SPON2: variants seen among roughly 807,000 people sequenced by gnomAD.
The protein encoded by SPON2 is spondin-2.
SPON2 carries 32 observed loss-of-function variants against 29.9 expected under a neutral mutation model. That is an observed-to-expected ratio of 1.07 (90% CI 0.81 to 1.44). The LOEUF (loss-of-function observed/expected upper bound fraction) is 1.44. Ranked by LOEUF, SPON2 falls within the 40% of genes most tolerant of loss-of-function variation. The pLI is 0.00. For synonymous variants in SPON2, 248 were observed against 209.1 expected (o/e 1.19, Z -1.61); for missense variants, 541 against 455.5 (o/e 1.19, Z -1.71).
chr4:1,181,685 C>A (rs1394531463), intron 1 of SPON2, among the ~76,000 whole-genome samples: 1 of 152,162 alleles, frequency 6.6e-6, no homozygotes, highest in African/African-American at 2.4e-5. Flanking sequence ...TCCCCACCAG[C>A]CCCAGCGCAG....
chr4:1,200,789 T>G (rs1224895044), intron 1 of SPON2: 1 of 456,304 alleles, frequency 2.2e-6, no homozygotes. Context: ...CTCTGGTCCC[T>G]GCCTTTGCTG....
At chr4:1,168,105 C>A (rs1187160939) in intron 5 of SPON2, 1 of 167,684 alleles carries the variant, frequency 6.0e-6, no homozygotes, top group Non-Finnish European at 1.3e-5. Flanking sequence ...GGACTCAGAC[C>A]TTTTCAGTAT....
In SPON2 at chr4:1,171,063, G is replaced by A; in HGVS notation, c.572C>T (p.Thr191Met). Reference sequence around the variant, plus strand: ...GGAGGAGAAGGTGAAGCCGCTGTCCGTCCCGGCGTCGTAGGGGTACAGGTC... The same window carrying A: ...GGAGGAGAAGGTGAAGCCGCTGTCCATCCCGGCGTCGTAGGGGTACAGGTC... ...ALDLYPYDAG[T>M]DSGFTFSSPN... Residue 191 changes from threonine to methionine, a missense_variant, in exon 4 of 6, where the codon ACG (threonine) becomes ATG (methionine). Coordinates refer to ENST00000290902, the MANE Select transcript of SPON2 (RefSeq NM_012445.4). 1 of 1,549,850 alleles carries A rather than the reference G, an allele frequency of 6.5e-7. No homozygotes were observed. Among genetic ancestry groups the A allele is most frequent in the Non-Finnish European group, 8.7e-7 (1 of 1,146,430 alleles).
chr4:1,190,298 C>CA (rs1235326353), intron 1 of SPON2, among the ~76,000 whole-genome samples: 39 of 146,984 alleles, frequency 2.7e-4, no homozygotes, highest in Admixed American at 1.4e-3. Context: ...AAAAAACAAA[C>CA]AAAAAAAAAC....
intron 1 of SPON2, chr4:1,200,895 C>T (rs1350824167): frequency 2.2e-6 from 1 of 456,684 alleles, no homozygotes; most frequent in Non-Finnish European, 4.4e-6. Flanking sequence ...ACTGACTGAG[C>T]ACCACGTGGT....
At chr4:1,174,495 A>C (rs555311833), upstream of SPON2, among the ~76,000 whole-genome samples, 291 of 150,882 alleles carry the variant, frequency 1.9e-3, 13 homozygotes, top group South Asian at 0.049. Flanking sequence ...TCAAAAAAAA[A>C]AAAAAAACAA....
At chr4:1,176,225 A>G (rs1323672255), upstream of SPON2, among the ~76,000 whole-genome samples, 2 of 152,106 alleles carry the variant, frequency 1.3e-5, no homozygotes, top group East Asian at 3.9e-4. Flanking sequence ...TCTTCTGTGA[A>G]CCAGAAGTCT....
Position 1,171,279 on chromosome 4 carries a change from T to C in SPON2, c.428A>G (p.Gln143Arg), listed in dbSNP as rs1727433439. The change falls in exon 3 of 6, where the codon CAG (glutamine) becomes CGG (arginine). Residue 143 changes from glutamine (Q) to arginine (R), a missense_variant. Coordinates refer to ENST00000290902, the MANE Select transcript of SPON2 (RefSeq NM_012445.4). Reference sequence around the variant, plus strand: ...CGCGCTCACCAGCGAGTGCCTGCGCTGCACCTCCAGCTCCGCCGACGTCTG... The same window carrying C: ...CGCGCTCACCAGCGAGTGCCTGCGCCGCACCTCCAGCTCCGCCGACGTCTG... The part of the protein sequence containing the change: ...TGQTSAELEV[Q>R]RRHSLVSFVV... 1 of 1,550,656 alleles carries C rather than the reference T, an allele frequency of 6.4e-7. No individual in the cohort carries two copies. Among genetic ancestry groups the C allele is most frequent in the Non-Finnish European group, 8.7e-7 (1 of 1,155,468 alleles).
chr4:1,206,776 C>T (rs1560216430), intron 1 of SPON2, among the ~76,000 whole-genome samples: 1 of 151,826 alleles, frequency 6.6e-6, no homozygotes. Context: ...GAGAACAAAC[C>T]CCAGTCTAAG....
chr4:1,198,987 T>A (rs113963956), upstream of SPON2: 5 of 151,842 alleles, frequency 3.3e-5, no homozygotes, highest in Admixed American at 2.6e-4. Flanking sequence ...TTCTCGGAGG[T>A]TCTGGCAAAC....
At chr4:1,184,827 C>T (rs573216044) in intron 1 of SPON2, among the ~76,000 whole-genome samples, 1 of 151,052 alleles carries the variant, frequency 6.6e-6, no homozygotes, top group South Asian at 2.1e-4. Flanking sequence ...ATCCCAGCTA[C>T]TTGGGAGGCT....
At chr4:1,197,109 G>T (rs565420595), upstream of SPON2, 2 of 152,206 alleles carry the variant, frequency 1.3e-5, no homozygotes, top group African/African-American at 2.4e-5. Context: ...AGCTCCCTCC[G>T]TGTCTCTCTC....
intron 1 of SPON2, among the ~76,000 whole-genome samples, chr4:1,191,268 G>C (rs1283469191): frequency 6.6e-6 from 1 of 152,070 alleles, no homozygotes; most frequent in East Asian, 1.9e-4. Flanking sequence ...GCTAGGTATA[G>C]AGACAATGGA....
intron 5 of SPON2, chr4:1,168,050 CAG>C (rs1009237033): frequency 8.3e-5 from 16 of 192,676 alleles, no homozygotes; most frequent in Non-Finnish European, 9.5e-5. Flanking sequence ...GAATAACAGA[CAG>C]GGGCACCTGA....
At position 1,170,505 on chromosome 4, in the gene SPON2, G is replaced by A. The variant is rs894894383; in HGVS notation, c.708C>T (p.Ile236=). 2.5e-5 allele frequency: 41 copies of A among 1,614,072 alleles called. No homozygotes were observed. The highest frequency in any genetic ancestry group is 3.4e-5 in the Non-Finnish European group (40 of 1,179,958). Residue 236 remains isoleucine (I), a synonymous_variant, in exon 5 of 6, where the codon ATC becomes ATT. Transcript: ENST00000290902. Reference sequence around the variant, plus strand: ...GCAGCCGCACCAGTGTCACCCTGGCGATGGGAGGCAGGGCCTTCAGCCGCG... The same window carrying A: ...GCAGCCGCACCAGTGTCACCCTGGCAATGGGAGGCAGGGCCTTCAGCCGCG... The part of the protein sequence containing the change: ...YYPRLKALPP[I]ARVTLVRLRQ...
chr4:1,205,902 G>A (rs936206328), intron 1 of SPON2, among the ~76,000 whole-genome samples: 4 of 152,172 alleles, frequency 2.6e-5, no homozygotes, highest in African/African-American at 7.2e-5. Flanking sequence ...CTCGGGCCTG[G>A]GGGTTGGGGC....
chr4:1,171,721 A>T, intron 2 of SPON2, 131 bp downstream of exon 2: 1 of 814,144 alleles, frequency 1.2e-6, no homozygotes, highest in Non-Finnish European at 2.0e-6. Flanking sequence ...CGCTCGGCAA[A>T]CATTCTGGTG....
Position 1,189,717 on chromosome 4 carries a change from G to A in SPON2, c.-239+5273C>T, listed in dbSNP as rs554815175. ...AGTTGGTTTTTGGAAGGCCAGGTGC[G>A]GTGGCTCACACCTATAATCCCAGCA... On this transcript the variant is annotated intron_variant, in intron 1 of 3. Coordinates refer to the SPON2 transcript ENST00000502483. Among the ~76,000 whole-genome samples, 118 of 151,490 alleles carry A rather than the reference G, an allele frequency of 7.8e-4. 2 individuals carry two copies. The South Asian group carries it at 0.01, about 13-fold the overall frequency.
Position 1,171,499 on chromosome 4 carries a change from C to G in SPON2, c.221-13G>C, listed in dbSNP as rs974233181. Reference sequence around the variant, plus strand: ...CTATGCGCGGCCCCTGCAGGACCACCCGGCCGCGCCGCGGACCATGGTCAG... The same window carrying G: ...CTATGCGCGGCCCCTGCAGGACCACGCGGCCGCGCCGCGGACCATGGTCAG... On this transcript the variant is annotated splice_polypyrimidine_tract_variant and intron_variant, in intron 2 of 5. Coordinates refer to ENST00000290902, the MANE Select transcript of SPON2 (RefSeq NM_012445.4). 8.1e-6 allele frequency: 13 copies of G among 1,604,326 alleles called. No homozygotes were observed. The highest frequency in any genetic ancestry group is 2.7e-5 in the African/African-American group (2 of 74,634).
Sources: gnomAD v4.1 joint callset for allele counts (sites outside exome capture counted in the v4.1 genomes callset) on GRCh38, gnomAD v4.1.1 for gene constraint, MANE v1.5 for transcripts, NCBI Gene and HGNC (gene_info 2026-07-23, HGNC 2026-07-21) for gene names.